SRBD1: variants seen among roughly 807,000 people sequenced by gnomAD.
The protein encoded by SRBD1 is S1 RNA binding domain 1.
In SRBD1, 88 loss-of-function variants were observed where a neutral mutation model predicts 115.3. The ratio of observed to expected loss-of-function variants is 0.76; its 90% CI spans 0.64 to 0.91. The LOEUF (loss-of-function observed/expected upper bound fraction) is 0.91. Ranked by LOEUF, SRBD1 falls within the 40% of genes least tolerant of loss-of-function variation. The pLI, the probability that SRBD1 is intolerant of heterozygous loss-of-function variation, is 0.00. For missense variants in SRBD1, 1,385 were observed against 1,177.4 expected (o/e 1.18, Z -2.58); for synonymous variants, 509 against 407.7 (o/e 1.25, Z -2.99).
chr2:45,508,215 CAAAGG>C, intron 14 of SRBD1, among the ~76,000 whole-genome samples: 1 of 151,770 alleles, frequency 6.6e-6, no homozygotes, highest in Non-Finnish European at 1.5e-5. Flanking sequence ...TTGAAATTCC[CAAAGG>C]TAAAAGAGGA....
intron 19 of SRBD1, among the ~76,000 whole-genome samples, chr2:45,399,425 C>G (rs1572593432): frequency 6.6e-6 from 1 of 152,002 alleles, no homozygotes; most frequent in African/African-American, 2.4e-5. Context: ...TGCAGATAAA[C>G]AGATACTTTT....
chr2:45,392,427 A>G (rs145162182), intron 20 of SRBD1, among the ~76,000 whole-genome samples: 4 of 152,352 alleles, frequency 2.6e-5, no homozygotes, highest in Non-Finnish European at 5.9e-5. Context: ...ACATGGAAGT[A>G]TAATTCCCTC....
At chr2:45,481,650 A>C (rs1357354139) in intron 15 of SRBD1, among the ~76,000 whole-genome samples, 2 of 152,174 alleles carry the variant, frequency 1.3e-5, no homozygotes, top group Non-Finnish European at 2.9e-5. Context: ...ATATGTCCAT[A>C]TAAAATCTTA....
At chr2:45,454,983 TA>T (rs1239288770) in intron 16 of SRBD1, among the ~76,000 whole-genome samples, 1 of 151,776 alleles carries the variant, frequency 6.6e-6, no homozygotes, top group Non-Finnish European at 1.5e-5. Flanking sequence ...CAGTTTTGGG[TA>T]AATATTATGT....
In SRBD1 at chr2:45,562,709, C is replaced by A. The variant is rs761180409; in HGVS notation, c.1353G>T (p.Lys451Asn). Reference sequence around the variant, plus strand: ...CCTTCACTCCATCAGAAATATTGACCTTAACCGTCAGTACCTTCAAATTTT... The same window carrying A: ...CCTTCACTCCATCAGAAATATTGACATTAACCGTCAGTACCTTCAAATTTT... ...RGENLKVLTV[K>N]VNISDGVKDE... is the part of the protein sequence containing the mutation. The change falls in exon 10 of 21, where the codon AAG becomes AAT. Residue 451 changes from lysine to asparagine, a missense_variant. Transcript: ENST00000263736. The A allele has an allele frequency of 1.2e-6, 2 of 1,612,768 alleles. No individual in the cohort carries two copies. Among genetic ancestry groups the A allele is most frequent in the East Asian group, 2.2e-5 (1 of 44,778 alleles).
At chr2:45,411,368 T>C (rs773749986) in intron 19 of SRBD1, among the ~76,000 whole-genome samples, 4 of 152,218 alleles carry the variant, frequency 2.6e-5, no homozygotes, top group Non-Finnish European at 5.9e-5. Flanking sequence ...CTGTGGTATA[T>C]TCACACAATG....
At chr2:45,513,010 C>T (rs938755519) in intron 14 of SRBD1, among the ~76,000 whole-genome samples, 3 of 152,128 alleles carry the variant, frequency 2.0e-5, no homozygotes, top group African/African-American at 7.2e-5. Context: ...ACATGCCCCT[C>T]TGACAACAGA....
At chr2:45,583,415 G>A (rs540659971) in intron 5 of SRBD1, among the ~76,000 whole-genome samples, 1 of 152,252 alleles carries the variant, frequency 6.6e-6, no homozygotes, top group Admixed American at 6.5e-5. Flanking sequence ...ATATAAGGAA[G>A]AAGAGAATTA....
chr2:45,400,324 G>A (rs762252566), intron 19 of SRBD1, among the ~76,000 whole-genome samples: 1 of 152,032 alleles, frequency 6.6e-6, no homozygotes, highest in Non-Finnish European at 1.5e-5. Context: ...GCTCCAGACT[G>A]AGTGGTCTAA....
At position 45,431,824 on chromosome 2, in the gene SRBD1, A is replaced by G. The variant is rs559891208; in HGVS notation, c.2050-11930T>C. Among the ~76,000 whole-genome samples the G allele has an allele frequency of 4.6e-5, 7 of 152,236 alleles. No individual in the cohort carries two copies. In the South Asian group the frequency reaches 1.2e-3, roughly 27 times the overall value. On this transcript the variant is annotated intron_variant, in intron 16 of 20. Coordinates refer to ENST00000263736, the MANE Select transcript of SRBD1 (RefSeq NM_018079.5). ...AGTAGACCAGTTATTTCACCAAAAC[A>G]TCCTACAAGAAAAAAGGTCCAAGTT...
chr2:45,490,494 C>A (rs1670259741), intron 14 of SRBD1, among the ~76,000 whole-genome samples: 1 of 152,132 alleles, frequency 6.6e-6, no homozygotes, highest in Non-Finnish European at 1.5e-5. Context: ...CTAACAAAGT[C>A]TTTTCTAAAA....
chr2:45,415,604 TTA>T (rs1391475352), intron 18 of SRBD1, among the ~76,000 whole-genome samples: 19 of 136,678 alleles, frequency 1.4e-4, no homozygotes, highest in African/African-American at 5.1e-4. Flanking sequence ...TAAAATATTT[TTA>T]TATATGTATA....
At chr2:45,401,773 T>A (rs1318897071) in intron 19 of SRBD1, among the ~76,000 whole-genome samples, 1 of 152,212 alleles carries the variant, frequency 6.6e-6, no homozygotes, top group African/African-American at 2.4e-5. Flanking sequence ...AAATTACAAC[T>A]CATGGGCCTT....
intron 14 of SRBD1, among the ~76,000 whole-genome samples, chr2:45,495,629 C>T: frequency 6.6e-6 from 1 of 152,174 alleles, no homozygotes; most frequent in East Asian, 1.9e-4. Flanking sequence ...AAGAAAAAAA[C>T]TGCCACAGGA....
chr2:45,504,948 T>C (rs1158038619), intron 14 of SRBD1, among the ~76,000 whole-genome samples: 1 of 152,168 alleles, frequency 6.6e-6, no homozygotes, highest in Non-Finnish European at 1.5e-5. Context: ...CCCTCATTAT[T>C]ATCTAGTGAA....
intron 4 of SRBD1, among the ~76,000 whole-genome samples, chr2:45,594,813 G>A (rs1673843219): frequency 6.6e-6 from 1 of 152,118 alleles, no homozygotes; most frequent in Non-Finnish European, 1.5e-5. Flanking sequence ...GACTTTCCAA[G>A]AAATCTAAAG....
intron 2 of SRBD1, 106 bp from the exon 3 acceptor site, chr2:45,602,189 A>T (rs1188335774): frequency 3.8e-6 from 5 of 1,307,792 alleles, no homozygotes; most frequent in Non-Finnish European, 5.2e-6. Flanking sequence ...GGAGGTGTTT[A>T]ATATAAAATG....
chr2:45,445,732 CAT>C (rs1668804295), intron 16 of SRBD1, among the ~76,000 whole-genome samples: 1 of 152,028 alleles, frequency 6.6e-6, no homozygotes, highest in African/African-American at 2.4e-5. Flanking sequence ...TACTAAGAGT[CAT>C]ATATACTTTT....
chr2:45,414,486 C>CACACAT (rs536421148), intron 18 of SRBD1, among the ~76,000 whole-genome samples: 2 of 144,582 alleles, frequency 1.4e-5, no homozygotes, highest in South Asian at 2.2e-4. Flanking sequence ...TGTGTGTGTA[C>CACACAT]AGTGTGTATA....
Sources: allele counts gnomAD v4.1 joint callset (sites outside exome capture counted in the v4.1 genomes callset), GRCh38; gene constraint gnomAD v4.1.1; transcripts MANE v1.5; gene names NCBI Gene and HGNC (gene_info 2026-07-23, HGNC 2026-07-21).